POU2F1: variants seen among roughly 807,000 people sequenced by gnomAD.
The protein encoded by POU2F1 is POU class 2 homeobox 1.
POU2F1 carries 16 observed loss-of-function variants against 84.9 expected under a neutral mutation model. That is an observed-to-expected ratio of 0.19 (90% CI 0.13 to 0.29). The LOEUF (loss-of-function observed/expected upper bound fraction) is 0.29. Among genes scored for constraint, POU2F1 ranks in the 10% least tolerant of loss-of-function variants. POU2F1 has a pLI of 1.00. For synonymous variants in POU2F1, 368 were observed against 368.3 expected, an observed-to-expected ratio of 1.00 and a Z score of 0.01; for missense variants, 738 against 942.6, an observed-to-expected ratio of 0.78 and a Z score of 2.84.
At chr1:167,335,229 A>C (rs1277240894) in intron 2 of POU2F1, among the ~76,000 whole-genome samples, 1 of 152,212 alleles carries the variant, frequency 6.6e-6, no homozygotes, top group Non-Finnish European at 1.5e-5. Context: ...AATAACCCTC[A>C]GTCTTTAAGG....
chr1:167,220,934 T>G lies in POU2F1; in HGVS notation c.37T>G (p.Ser13Ala). The change falls in exon 1 of 16, where the codon TCA becomes GCA. Residue 13 changes from serine to alanine, a missense_variant. By Grantham distance (99) the Ser-to-Ala change is moderately conservative (BLOSUM62 1). This residue lies in a region of POU2F1 where 161 missense variants were observed against 147.0 expected (regional missense o/e 1.10). Coordinates refer to ENST00000367866, the MANE Select transcript of POU2F1 (RefSeq NM_002697.4). ...AGGAGCAGCGAGTCAAGATGAGAGT[T>G]CAGCCGCGGCGGCAGCAGCAGCAGG... ...DGGAASQDES[S>A]AAAAAAADSR... 1 of 1,535,332 alleles carries G rather than the reference T, an allele frequency of 6.5e-7. No homozygotes were observed. The highest frequency in any genetic ancestry group is 8.7e-7 in the Non-Finnish European group (1 of 1,146,778).
chr1:167,408,494 G>A (rs1649741676), intron 13 of POU2F1, among the ~76,000 whole-genome samples: 1 of 152,104 alleles, frequency 6.6e-6, no homozygotes, highest in African/African-American at 2.4e-5. Context: ...AACAAAATGT[G>A]TTATATCTAC....
chr1:167,346,860 G>A (rs969189087), intron 2 of POU2F1, among the ~76,000 whole-genome samples: 1 of 152,194 alleles, frequency 6.6e-6, no homozygotes, highest in Non-Finnish European at 1.5e-5. Context: ...GAATCTTTCT[G>A]TGGTTTTGTT....
intron 1 of POU2F1, among the ~76,000 whole-genome samples, chr1:167,237,016 C>T (rs1649509452): frequency 6.6e-6 from 1 of 152,104 alleles, no homozygotes; most frequent in Non-Finnish European, 1.5e-5. Flanking sequence ...TGCTGGATTT[C>T]ACCTAACCTC....
chr1:167,369,933 CA>C (rs1659902079), intron 3 of POU2F1, among the ~76,000 whole-genome samples: 1 of 148,600 alleles, frequency 6.7e-6, no homozygotes, highest in South Asian at 2.2e-4. Context: ...TGTGGGAAAA[CA>C]TCTTCAAAAA....
chr1:167,373,579 G>A (rs1660142613), intron 5 of POU2F1, among the ~76,000 whole-genome samples: 1 of 152,170 alleles, frequency 6.6e-6, no homozygotes, highest in African/African-American at 2.4e-5. Context: ...AAAAGATTGT[G>A]TTAGGGAGGG....
At position 167,425,590 on chromosome 1, in the gene POU2F1, C is replaced by T. The variant is rs996147632; in HGVS notation, c.*9780C>T. 3.9e-5 allele frequency: 6 copies of T among 152,416 alleles called. No homozygotes were observed. The highest frequency in any genetic ancestry group is 1.4e-4 in the African/African-American group (6 of 41,558). The allele number at this position is 152,416 out of a possible 1,614,324, so 9.4% of individuals were successfully genotyped here. ...ACCACCATCATCCACCCTACACCAA[C>T]CAGGGTCACTATGGGGACTTAGCAC... On this transcript the variant is annotated 3_prime_UTR_variant, in exon 16 of 16. Transcript: ENST00000367866.
At chr1:167,404,289 T>G (rs1172190315) in intron 13 of POU2F1, among the ~76,000 whole-genome samples, 1 of 152,130 alleles carries the variant, frequency 6.6e-6, no homozygotes, top group East Asian at 1.9e-4. Context: ...TTTGTAGTGA[T>G]GAATGCAAGA....
chr1:167,342,259 A>G (rs902885528), intron 2 of POU2F1, among the ~76,000 whole-genome samples: 1 of 152,196 alleles, frequency 6.6e-6, no homozygotes, highest in African/African-American at 2.4e-5. Flanking sequence ...TCCCCAGGAT[A>G]GTATCACTAT....
chr1:167,295,903 G>A (rs1189768543), intron 1 of POU2F1, among the ~76,000 whole-genome samples: 1 of 152,166 alleles, frequency 6.6e-6, no homozygotes, highest in Non-Finnish European at 1.5e-5. Flanking sequence ...GTAAGAGTCT[G>A]TGAATAGATG....
rs1423823901 is a variant in POU2F1 at position 167,271,371 on chromosome 1, C to A, written c.61+50413C>A. On this transcript the variant is annotated intron_variant, in intron 1 of 15. Transcript: ENST00000367866. ...TAAATGTATTTGTGACTAAAACTTG[C>A]CTTTTCAACAAGACACCCGAACTGC... Among the ~76,000 whole-genome samples, 3 of 152,128 alleles carry A rather than the reference C, an allele frequency of 2.0e-5. No individual in the cohort carries two copies. In the East Asian group the frequency reaches 5.8e-4, roughly 29 times the overall value.
intron 4 of POU2F1, among the ~76,000 whole-genome samples, chr1:167,371,631 C>T (rs1157592540): frequency 6.6e-6 from 1 of 152,106 alleles, no homozygotes; most frequent in Non-Finnish European, 1.5e-5. Context: ...CCTTTACCCC[C>T]TATTTCTAGA....
At chr1:167,357,697 AT>A (rs1659056006) in intron 2 of POU2F1, among the ~76,000 whole-genome samples, 1 of 151,768 alleles carries the variant, frequency 6.6e-6, no homozygotes, top group African/African-American at 2.4e-5. Flanking sequence ...AAGAATTTTT[AT>A]CATAAGTGGA....
intron 1 of POU2F1, among the ~76,000 whole-genome samples, chr1:167,311,684 T>A (rs942490631): frequency 6.6e-6 from 1 of 152,052 alleles, no homozygotes; most frequent in Non-Finnish European, 1.5e-5. Flanking sequence ...AAAAAGCTCA[T>A]AGAAAGGATG....
At chr1:167,319,486 C>T (rs1237532131) in intron 1 of POU2F1, among the ~76,000 whole-genome samples, 2 of 152,006 alleles carry the variant, frequency 1.3e-5, no homozygotes, top group African/African-American at 4.8e-5. Context: ...GCTTTTGCAA[C>T]TGCTGTTTCA....
At chr1:167,382,040 T>G (rs1647606504) in intron 7 of POU2F1, among the ~76,000 whole-genome samples, 1 of 152,204 alleles carries the variant, frequency 6.6e-6, no homozygotes, top group Admixed American at 6.5e-5. Context: ...CCAGTAAAGT[T>G]TGATATTTTA....
chr1:167,307,633 C>T (rs1171565575), intron 1 of POU2F1, among the ~76,000 whole-genome samples: 4 of 152,246 alleles, frequency 2.6e-5, no homozygotes, highest in South Asian at 2.1e-4. Context: ...TGACTTGATG[C>T]TCTGTCACCC....
At chr1:167,375,617 G>A (rs920543027) in intron 6 of POU2F1, among the ~76,000 whole-genome samples, 1 of 152,066 alleles carries the variant, frequency 6.6e-6, no homozygotes, top group East Asian at 1.9e-4. Flanking sequence ...GTCATTATAG[G>A]CCCTTTATTG....
At position 167,231,846 on chromosome 1, in the gene POU2F1, G is replaced by A. The variant is rs192431802; in HGVS notation, c.61+10888G>A. Among the ~76,000 whole-genome samples, 5 of 152,308 alleles carry A rather than the reference G, an allele frequency of 3.3e-5. No homozygotes were observed. The East Asian group carries it at 9.6e-4, about 29-fold the overall frequency. ...ACAATGAGATGTGAAAGATGAATAGGAATTAATCAGTTCAAGAACTGGGAG... is the reference window on the plus strand; with the variant it reads ...ACAATGAGATGTGAAAGATGAATAGAAATTAATCAGTTCAAGAACTGGGAG... On this transcript the variant is annotated intron_variant, in intron 1 of 15. Coordinates refer to ENST00000367866, the MANE Select transcript of POU2F1 (RefSeq NM_002697.4).
Sources: gnomAD v4.1 joint callset for allele counts (sites outside exome capture counted in the v4.1 genomes callset) on GRCh38, gnomAD v4.1.1 for gene constraint, gnomAD v4.1.1 regional missense constraint, MANE v1.5 for transcripts, NCBI Gene and HGNC (gene_info 2026-07-23, HGNC 2026-07-21) for gene names.